ARHGAP15: variants seen among roughly 807,000 people sequenced by gnomAD.
The protein encoded by ARHGAP15 is Rho GTPase activating protein 15, also known as rho GTPase-activating protein 15.
In ARHGAP15, 51 loss-of-function variants were observed where a neutral mutation model predicts 63.7. The observed-to-expected ratio is 0.80, with a 90% CI of 0.64 to 1.01. The LOEUF (loss-of-function observed/expected upper bound fraction) is 1.01, where lower values mean the gene tolerates loss of function less well. Ranked by LOEUF, ARHGAP15 falls within the 50% of genes least tolerant of loss-of-function variation. The pLI is 0.00. For missense variants in ARHGAP15, 560 were observed against 564.6 expected (o/e 0.99, Z 0.08); for synonymous variants, 191 against 193.8 (o/e 0.99, Z 0.12).
intron 1 of ARHGAP15, among the ~76,000 whole-genome samples, chr2:143,152,914 A>G (rs1025606859): frequency 1.3e-5 from 2 of 151,968 alleles, no homozygotes; most frequent in African/African-American, 4.8e-5. Flanking sequence ...TGTGGTAGAG[A>G]GAGAGATCCG....
intron 1 of ARHGAP15, among the ~76,000 whole-genome samples, chr2:143,133,374 T>C (rs1160459764): frequency 6.6e-6 from 1 of 152,200 alleles, no homozygotes; most frequent in African/African-American, 2.4e-5. Flanking sequence ...GACCTGGATA[T>C]AAGTAACAGC....
At chr2:143,667,582 T>TAA (rs71338146) in intron 12 of ARHGAP15, among the ~76,000 whole-genome samples, 2 of 138,940 alleles carry the variant, frequency 1.4e-5, no homozygotes, top group African/African-American at 5.7e-5. Context: ...TAAAAAAAAT[T>TAA]AAAAAAAAAA....
chr2:143,702,688 C>T (rs1198317497), intron 12 of ARHGAP15, among the ~76,000 whole-genome samples: 2 of 152,226 alleles, frequency 1.3e-5, no homozygotes, highest in Admixed American at 6.5e-5. Flanking sequence ...GGTAGGCCTG[C>T]GGTATCCCTA....
At chr2:143,534,059 CTCT>C (rs1694637384) in intron 10 of ARHGAP15, among the ~76,000 whole-genome samples, 1 of 152,184 alleles carries the variant, frequency 6.6e-6, no homozygotes, top group Non-Finnish European at 1.5e-5. Context: ...CCACCCACAT[CTCT>C]TCTTGAATTG....
intron 6 of ARHGAP15, among the ~76,000 whole-genome samples, chr2:143,433,019 T>C (rs1473406527): frequency 6.6e-6 from 1 of 152,084 alleles, no homozygotes; most frequent in Non-Finnish European, 1.5e-5. Flanking sequence ...ATGTCTGTTA[T>C]ACATCATTTT....
intron 11 of ARHGAP15, among the ~76,000 whole-genome samples, chr2:143,610,648 G>C (rs1469599246): frequency 3.3e-5 from 5 of 152,222 alleles, no homozygotes; most frequent in South Asian, 4.1e-4. Context: ...TTATTAATTA[G>C]CTACACATCA....
At chr2:143,293,249 AT>A (rs1682488354) in intron 6 of ARHGAP15, among the ~76,000 whole-genome samples, 1 of 152,022 alleles carries the variant, frequency 6.6e-6, no homozygotes, top group South Asian at 2.1e-4. Context: ...TGAGTCATTT[AT>A]TCATCGAGTA....
rs538415347 is a variant in ARHGAP15, at chr2:143,166,235, G to A, written c.165+10580G>A. Among the ~76,000 whole-genome samples the A allele has an allele frequency of 7.2e-5, 11 of 152,100 alleles. No homozygotes were observed. In the South Asian group the frequency reaches 1.7e-3, roughly 23 times the overall value. On this transcript the variant is annotated intron_variant, in intron 2 of 13. Transcript: ENST00000295095. ...ATTTTCACCCTAGTGTCCTCTAATAGTTTATAGATCCTAGGAAATTTTACT... is the reference window on the plus strand; with the variant it reads ...ATTTTCACCCTAGTGTCCTCTAATAATTTATAGATCCTAGGAAATTTTACT...
intron 8 of ARHGAP15, among the ~76,000 whole-genome samples, chr2:143,475,952 C>T (rs1691795428): frequency 6.6e-6 from 1 of 152,198 alleles, no homozygotes; most frequent in Non-Finnish European, 1.5e-5. Context: ...CTGGCAGCAC[C>T]ACACCAGATT....
At chr2:143,434,837 C>T (rs1432966707) in intron 6 of ARHGAP15, among the ~76,000 whole-genome samples, 1 of 152,096 alleles carries the variant, frequency 6.6e-6, no homozygotes, top group African/African-American at 2.4e-5. Flanking sequence ...TGCTCTGTTT[C>T]TGTAGGGTCG....
chr2:143,560,642 CTT>C (rs2105095856), intron 11 of ARHGAP15, among the ~76,000 whole-genome samples: 1 of 152,338 alleles, frequency 6.6e-6, no homozygotes, highest in East Asian at 1.9e-4. Context: ...CACCCCGCCT[CTT>C]GGTGTTGGTA....
At chr2:143,470,943 T>C (rs1239478190) in intron 8 of ARHGAP15, among the ~76,000 whole-genome samples, 1 of 142,646 alleles carries the variant, frequency 7.0e-6, no homozygotes, top group South Asian at 2.3e-4. Flanking sequence ...TATGTGTGTA[T>C]ATACACACAT....
Position 143,152,524 on chromosome 2 carries a change from G to C in ARHGAP15, c.-14-2953G>C, listed in dbSNP as rs539754895. On this transcript the variant is annotated intron_variant, in intron 1 of 13. Transcript: ENST00000295095. ...CTCTATTGCCCTCACCAAACTCTGG[G>C]GCACTTGATAAAGATTATCTCTAGT... Among the ~76,000 whole-genome samples, 6 of 152,020 alleles carry C rather than the reference G, an allele frequency of 3.9e-5. No individual in the cohort carries two copies. The East Asian group carries it at 1.2e-3, about 30-fold the overall frequency.
At chr2:143,571,435 C>G (rs1038360107) in intron 11 of ARHGAP15, among the ~76,000 whole-genome samples, 8 of 152,168 alleles carry the variant, frequency 5.3e-5, no homozygotes, top group African/African-American at 1.9e-4. Context: ...GAACTAAAGT[C>G]TCTATGAATT....
chr2:143,215,884 G>T (rs1429255861), intron 3 of ARHGAP15, among the ~76,000 whole-genome samples: 2 of 152,176 alleles, frequency 1.3e-5, no homozygotes, highest in East Asian at 3.8e-4. Flanking sequence ...CTACTACAGG[G>T]TATCTTGGCA....
chr2:143,543,463 A>T (rs1039652748), intron 10 of ARHGAP15, among the ~76,000 whole-genome samples: 8 of 151,994 alleles, frequency 5.3e-5, no homozygotes, highest in Non-Finnish European at 1.2e-4. Context: ...CATCCTGTCA[A>T]ATGTATATTT....
At chr2:143,714,055 C>G (rs905213266) in intron 13 of ARHGAP15, among the ~76,000 whole-genome samples, 4 of 152,244 alleles carry the variant, frequency 2.6e-5, no homozygotes, top group African/African-American at 9.6e-5. Context: ...TGTGGGGACT[C>G]TGACCCCACA....
chr2:143,176,635 T>G (rs1386795073), intron 2 of ARHGAP15, among the ~76,000 whole-genome samples: 1 of 152,208 alleles, frequency 6.6e-6, no homozygotes, highest in Non-Finnish European at 1.5e-5. Flanking sequence ...AAACCCCATT[T>G]GAACTAGTTT....
intron 6 of ARHGAP15, among the ~76,000 whole-genome samples, chr2:143,411,023 G>T (rs1688420894): frequency 6.6e-6 from 1 of 151,990 alleles, no homozygotes; most frequent in Non-Finnish European, 1.5e-5. Flanking sequence ...TGACCAACAT[G>T]GAAAAACCCT....
Sources: gnomAD v4.1 joint callset for allele counts (sites outside exome capture counted in the v4.1 genomes callset) on GRCh38, gnomAD v4.1.1 for gene constraint, MANE v1.5 for transcripts, NCBI Gene and HGNC (gene_info 2026-07-23, HGNC 2026-07-21) for gene names.